The following ZBED4 variants were observed in gnomAD, a reference collection of about 807,000 sequenced individuals.
ZBED4 encodes zinc finger BED domain-containing protein 4.
In ZBED4, 4 loss-of-function variants were observed where a neutral mutation model predicts 15.5. The ratio of observed to expected loss-of-function variants is 0.26; its 90% CI spans 0.13 to 0.59. The LOEUF is 0.59. ZBED4 is among the 20% of genes least tolerant of loss of function. The pLI, the probability that ZBED4 is intolerant of heterozygous loss-of-function variation, is 0.90. For synonymous variants in ZBED4, 692 were observed against 608.5 expected (o/e 1.14, Z -2.02); for missense variants, 1,323 against 1,461.8 (o/e 0.91, Z 1.55).
intron 1 of ZBED4, among the ~76,000 whole-genome samples, chr22:49,869,147 C>T (rs552586407): frequency 6.7e-6 from 1 of 150,138 alleles, no homozygotes; most frequent in East Asian, 1.9e-4. Flanking sequence ...AGAAAAATCA[C>T]GGTTGTGGAA....
intron 1 of ZBED4, among the ~76,000 whole-genome samples, chr22:49,868,164 A>T (rs2060330394): frequency 6.6e-6 from 1 of 152,186 alleles, no homozygotes. Context: ...AGACCTTGTC[A>T]GTCTTCTTTT....
At chr22:49,862,486 C>G (rs1446426388) in intron 1 of ZBED4, among the ~76,000 whole-genome samples, 1 of 152,100 alleles carries the variant, frequency 6.6e-6, no homozygotes, top group African/African-American at 2.4e-5. Context: ...AAATCAGTGT[C>G]TAGCGTAATG....
chr22:49,864,213 C>T (rs1284731986), intron 1 of ZBED4, among the ~76,000 whole-genome samples: 1 of 152,182 alleles, frequency 6.6e-6, no homozygotes, highest in African/African-American at 2.4e-5. Flanking sequence ...CTTACGTCTC[C>T]GTCCTCTTTT....
intron 1 of ZBED4, among the ~76,000 whole-genome samples, chr22:49,881,083 G>C (rs1884556): frequency 0.8 from 121,469 of 152,030 alleles, 48,705 homozygotes; most frequent in East Asian, 0.91. Flanking sequence ...CAGTGGCTCA[G>C]GCCTGTAAAC....
intron 1 of ZBED4, among the ~76,000 whole-genome samples, chr22:49,869,410 A>G (rs1023518822): frequency 3.3e-5 from 5 of 152,172 alleles, no homozygotes; most frequent in Non-Finnish European, 5.9e-5. Flanking sequence ...AGATTATTTC[A>G]TCTCTGACTG....
intron 1 of ZBED4, among the ~76,000 whole-genome samples, chr22:49,858,192 G>A (rs369422824): frequency 6.6e-6 from 1 of 152,176 alleles, no homozygotes; most frequent in South Asian, 2.1e-4. Flanking sequence ...GTGAGCCACC[G>A]TGCCCGGCCC....
At chr22:49,881,682 T>C (rs1402742324) in intron 1 of ZBED4, among the ~76,000 whole-genome samples, 1 of 152,094 alleles carries the variant, frequency 6.6e-6, no homozygotes, top group Non-Finnish European at 1.5e-5. Flanking sequence ...ATACTTGGCA[T>C]TTTTTGTTTG....
intron 1 of ZBED4, among the ~76,000 whole-genome samples, chr22:49,866,336 G>A (rs5770728): frequency 0.64 from 97,530 of 151,740 alleles, 35,561 homozygotes; most frequent in East Asian, 0.85. Flanking sequence ...TCTTCTTTAC[G>A]TGTCTTTTAA....
chr22:49,866,824 A>G (rs932536), intron 1 of ZBED4, among the ~76,000 whole-genome samples: 138,843 of 152,276 alleles, frequency 0.91, 63,423 homozygotes, highest in African/African-American at 0.97. Flanking sequence ...GAAATTAGGA[A>G]TCTGAAATCT....
intron 1 of ZBED4, among the ~76,000 whole-genome samples, chr22:49,857,746 C>T (rs1381210658): frequency 6.6e-6 from 1 of 152,030 alleles, no homozygotes; most frequent in Non-Finnish European, 1.5e-5. Flanking sequence ...CACCCGCCAC[C>T]GCACTCAGCT....
rs2060430334 is a variant in ZBED4 at position 49,885,071 on chromosome 22, T to C, written c.1409T>C (p.Met470Thr). 1.9e-6 allele frequency: 3 copies of C among 1,612,738 alleles called. No homozygotes were observed. Among genetic ancestry groups the C allele is most frequent in the African/African-American group, 1.3e-5 (1 of 75,016 alleles). ...EVWHHFSLAP[M>T]DSLKAECRYC... ...TGGCATCACTTCTCCCTGGCCCCCA[T>C]GGACAGCCTCAAGGCCGAGTGTCGG... Residue 470 changes from methionine (M) to threonine (T), a missense_variant, in exon 2 of 2, where the codon ATG (methionine) becomes ACG (threonine). Physicochemically the swap from Met to Thr is moderately conservative, Grantham distance 81. Transcript: ENST00000216268.
At chr22:49,867,846 A>G (rs1190683058) in intron 1 of ZBED4, among the ~76,000 whole-genome samples, 1 of 152,228 alleles carries the variant, frequency 6.6e-6, no homozygotes, top group Non-Finnish European at 1.5e-5. Flanking sequence ...CGAGCATCAT[A>G]GCTTAGTCCA....
chr22:49,875,534 C>T (rs777870458), intron 1 of ZBED4, among the ~76,000 whole-genome samples: 1 of 151,926 alleles, frequency 6.6e-6, no homozygotes, highest in Non-Finnish European at 1.5e-5. Context: ...GATTCTCCTG[C>T]CTCAGCCTCT....
At chr22:49,864,747 G>C (rs781119868) in intron 1 of ZBED4, among the ~76,000 whole-genome samples, 8 of 147,172 alleles carry the variant, frequency 5.4e-5, no homozygotes, top group Non-Finnish European at 1.2e-4. Flanking sequence ...CTTGGGCCCA[G>C]GAGTTTGAGG....
chr22:49,856,958 G>C (rs2060277472), intron 1 of ZBED4, among the ~76,000 whole-genome samples: 1 of 152,202 alleles, frequency 6.6e-6, no homozygotes, highest in African/African-American at 2.4e-5. Context: ...GTGTGCAATA[G>C]AAACAGCTGA....
rs1357242822 is a variant in ZBED4, at chr22:49,864,947, C to CG, written c.-330+10958_-330+10959insG. On this transcript the variant is annotated intron_variant, in intron 1 of 1. Coordinates refer to ENST00000216268, the MANE Select transcript of ZBED4 (RefSeq NM_014838.3). ...GTTCTATCCCAGCAAGCCCCCCCCC[C>CG]CCCCCGTGAAGTCAGAAACCACGGA... Among the ~76,000 whole-genome samples the CG allele has an allele frequency of 2.6e-4, 24 of 91,784 alleles. 1 individual carries two copies. The highest frequency in any genetic ancestry group is 6.7e-4 in the Admixed American group (7 of 10,514). 60.2% of individuals were successfully genotyped at this position (91,784 alleles called of 152,430 possible).
In ZBED4 at chr22:49,890,058, A is replaced by C. The variant is rs553493330; in HGVS notation, c.*2880A>C. ...GAAGTAAAAGATGATAAAAAAATAA[A>C]AACTTTATTTCTTGGCTGGGCACAG... On this transcript the variant is annotated 3_prime_UTR_variant, in exon 2 of 2. Coordinates refer to ENST00000216268, the MANE Select transcript of ZBED4 (RefSeq NM_014838.3). 2 of 165,992 alleles carry C rather than the reference A, an allele frequency of 1.2e-5. No homozygotes were observed. The highest frequency in any genetic ancestry group is 4.8e-5 in the African/African-American group (2 of 41,452). 10.3% of individuals were successfully genotyped at this position (165,992 alleles called of 1,614,324 possible).
chr22:49,862,488 A>G (rs1329799633), intron 1 of ZBED4, among the ~76,000 whole-genome samples: 2 of 152,146 alleles, frequency 1.3e-5, no homozygotes, highest in East Asian at 3.9e-4. Flanking sequence ...ATCAGTGTCT[A>G]GCGTAATGAG....
In ZBED4 at chr22:49,886,234, G is replaced by A. The variant is rs774965946; in HGVS notation, c.2572G>A (p.Glu858Lys). The A allele has an allele frequency of 9.6e-6, 9 of 939,682 alleles. No homozygotes were observed. The highest frequency in any genetic ancestry group is 1.5e-5 in the Non-Finnish European group (9 of 597,198). The allele number at this position is 939,682 out of a possible 1,614,324, so 58.2% of individuals were successfully genotyped here. A position where few individuals can be genotyped will look rare whatever the true frequency, so the allele number is the denominator to read the frequency against. ...GCTGAGCCTCGCCCGGAAGATCTGC[G>A]AGCGGGTGCACCGGTCGCCCAAGGC... ...NLLSLARKIC[E>K]RVHRSPKAKE... Residue 858 changes from glutamate to lysine, a missense_variant, in exon 2 of 2, where the codon GAG (glutamate) becomes AAG (lysine). Around this residue, in one of 6 missense-constraint regions of ZBED4, gnomAD observed 100 missense variants for 79.3 expected, o/e 1.26. Transcript: ENST00000216268. The surrounding 1 kb of genome is among the most constrained non-coding windows in gnomAD (Gnocchi z 7.7).
Sources: gnomAD v4.1 joint callset for allele counts (sites outside exome capture counted in the v4.1 genomes callset) on GRCh38, gnomAD v4.1.1 for gene constraint, gnomAD v4.1.1 regional missense constraint, Gnocchi (gnomAD v3.1) non-coding constraint, MANE v1.5 for transcripts, NCBI Gene and HGNC (gene_info 2026-07-23, HGNC 2026-07-21) for gene names.